The following NDOR1 variants were observed in gnomAD, a reference collection of about 807,000 sequenced individuals.
NDOR1 encodes the protein NADPH-dependent diflavin oxidoreductase 1.
In NDOR1, 61 loss-of-function variants were observed where a neutral mutation model predicts 67.2. That is an observed-to-expected ratio of 0.91 (90% CI 0.74 to 1.12). NDOR1 has a LOEUF of 1.12. Among genes scored for constraint, NDOR1 ranks in the 50% most tolerant of loss-of-function variants. NDOR1 has a pLI of 0.00. For synonymous variants in NDOR1, 378 were observed against 343.7 expected, an observed-to-expected ratio of 1.10 and a Z score of -1.10; for missense variants, 878 against 802.8, an observed-to-expected ratio of 1.09 and a Z score of -1.13.
chr9:137,207,411 C>T (rs943400786), intron 2 of NDOR1, among the ~76,000 whole-genome samples: 1 of 151,782 alleles, frequency 6.6e-6, no homozygotes, highest in Non-Finnish European at 1.5e-5. Context: ...GAGTAGGGGG[C>T]TGTGCAGGAA....
rs752203472 is a variant in NDOR1, at chr9:137,205,776, C to T, written c.-2C>T. The T allele has an allele frequency of 2.5e-6, 4 of 1,603,390 alleles. No individual in the cohort carries two copies. The highest frequency in any genetic ancestry group is 1.7e-6 in the Non-Finnish European group (2 of 1,179,646). ...TCAGACCAGACCACCGGGCGCACCC[C>T]GATGCCGAGCCCGCAGCTTCTGGTG... is the stretch of plus-strand genomic sequence containing the variant. On this transcript the variant is annotated 5_prime_UTR_variant, in exon 1 of 14. Coordinates refer to ENST00000684003, the MANE Select transcript of NDOR1 (RefSeq NM_014434.4).
chr9:137,215,387 C>T lies in NDOR1; in HGVS notation c.1174-20C>T, dbSNP rs370736244. The T allele has an allele frequency of 7.5e-5, 119 of 1,578,016 alleles. No individual in the cohort carries two copies. The highest frequency in any genetic ancestry group is 1.7e-5 in the Non-Finnish European group (20 of 1,148,310). On this transcript the variant is annotated intron_variant, in intron 9 of 13. Transcript: ENST00000684003. Reference sequence around the variant, plus strand: ...GAGGGCAGCCTTGTTCCACCACCCCCACCCCGCCGTCCTCCCCAGACTCAC... The same window carrying T: ...GAGGGCAGCCTTGTTCCACCACCCCTACCCCGCCGTCCTCCCCAGACTCAC...
chr9:137,214,480 C>G (rs974220049), intron 6 of NDOR1, 67 bp downstream of exon 6: 3 of 1,610,044 alleles, frequency 1.9e-6, no homozygotes, highest in Non-Finnish European at 1.7e-6. Flanking sequence ...TCGGAGGAGG[C>G]TGGGCCGGGC....
At chr9:137,213,651 T>A (rs760998362) in intron 3 of NDOR1, 129 bp from the exon 4 acceptor site, 2 of 939,732 alleles carry the variant, frequency 2.1e-6, no homozygotes, top group Non-Finnish European at 3.2e-6. Context: ...TGGAGTGTGT[T>A]TTCCACCCGA....
chr9:137,215,045 C>G (rs773193291), intron 8 of NDOR1, 27 bp downstream of exon 8: 1 of 1,612,358 alleles, frequency 6.2e-7, no homozygotes, highest in Non-Finnish European at 8.5e-7. Flanking sequence ...GCAGGCCCAG[C>G]CCCTGAGCTA....
At chr9:137,206,455 C>T (rs80080498) in intron 2 of NDOR1, 146 bp downstream of exon 2, 1 of 833,374 alleles carries the variant, frequency 1.2e-6, no homozygotes, top group Non-Finnish European at 2.0e-6. Context: ...GTGAGTGGGG[C>T]TGGGGGCTCC....
At chr9:137,206,133 G>A (rs1853727888) in intron 1 of NDOR1, 99 bp from the exon 2 acceptor site, 1 of 1,507,694 alleles carries the variant, frequency 6.6e-7, no homozygotes, top group African/African-American at 1.4e-5. Context: ...AAATCCCTCT[G>A]CCCTGTCAGC....
At chr9:137,215,348 G>A in intron 9 of NDOR1, 59 bp from the exon 10 acceptor site, 2 of 1,579,860 alleles carry the variant, frequency 1.3e-6, no homozygotes, top group Non-Finnish European at 1.7e-6. Flanking sequence ...GGGGCCCACG[G>A]CCCAGGCACA....
At position 137,214,270 on chromosome 9, in the gene NDOR1, G is replaced by T. The variant is rs1230148800; in HGVS notation, c.579G>T (p.Arg193=). ...EAPSTGSEGQ[R]VAHPGSQEPP... is the part of the protein sequence containing the mutation. Reference sequence around the variant, plus strand: ...CCAGCACGGGCTCTGAGGGGCAGCGGGTAGCTCACCCCGGCTCTCAGGAGC... The same window carrying T: ...CCAGCACGGGCTCTGAGGGGCAGCGTGTAGCTCACCCCGGCTCTCAGGAGC... The change falls in exon 6 of 14, where the codon CGG becomes CGT. Residue 193 remains arginine, a synonymous_variant. Transcript: ENST00000684003. The T allele has an allele frequency of 1.2e-6, 2 of 1,613,696 alleles. No individual in the cohort carries two copies. Among genetic ancestry groups the T allele is most frequent in the Admixed American group, 1.7e-5 (1 of 60,028 alleles).
chr9:137,212,576 C>T lies in NDOR1; in HGVS notation c.288C>T (p.Gly96=). ...ALCQMDFAVL[G]LGDSSYAKFN... ...GTCAGATGGACTTTGCCGTCCTGGG[C>T]CTCGGGGACTCCTCATACGCCAAGT... The change falls in exon 3 of 14, where the codon GGC becomes GGT. Residue 96 remains glycine (G), a synonymous_variant. Transcript: ENST00000684003. This position sits in a 1 kb window ranked among gnomAD's most constrained non-coding sequence, Gnocchi z 4.3. The T allele has an allele frequency of 1.2e-6, 2 of 1,614,014 alleles. No individual in the cohort carries two copies. Among genetic ancestry groups the T allele is most frequent in the East Asian group, 4.5e-5 (2 of 44,882 alleles).
At position 137,218,299 on chromosome 9, in the gene NDOR1, C is replaced by A; in HGVS notation, c.*1883C>A. ...TGCTACAGGCCGACGGGCCCTCACG[C>A]CAGCCCCGCCGAGAGGCCCCTGCAT... On this transcript the variant is annotated 3_prime_UTR_variant, in exon 14 of 14. Coordinates refer to ENST00000684003, the MANE Select transcript of NDOR1 (RefSeq NM_014434.4). The A allele has an allele frequency of 2.5e-6, 1 of 398,324 alleles. No individual in the cohort carries two copies. 24.7% of individuals were successfully genotyped at this position (398,324 alleles called of 1,614,324 possible). A position where few individuals can be genotyped will look rare whatever the true frequency, so the allele number is the denominator to read the frequency against.
In NDOR1 at chr9:137,214,931, G is replaced by A. The variant is rs747434440; in HGVS notation, c.978G>A (p.Glu326=). ...LLACLSLHEL[E]REKLLEFSSA... ...CCTGTCTATCCCTCCATGAGCTGGA[G>A]CGGGAGAAGCTGCTGGAGTTCAGTT... Residue 326 remains glutamate (E), a synonymous_variant, in exon 8 of 14, where the codon GAG becomes GAA. Coordinates refer to ENST00000684003, the MANE Select transcript of NDOR1 (RefSeq NM_014434.4). The A allele has an allele frequency of 1.9e-6, 3 of 1,613,378 alleles. No homozygotes were observed. The South Asian group carries it at 3.3e-5, about 18-fold the overall frequency.
rs1564402737 is a variant in NDOR1, at chr9:137,216,406, CGTG to C, written c.1786_1788del (p.Trp596del). ...CAGACACGGCGCTTCCAGACAGAGACGTGGGCCTGAGGCCCGCGGCTGCCCGTG... is the reference window on the plus strand; with the variant it reads ...CAGACACGGCGCTTCCAGACAGAGACGGCCTGAGGCCCGCGGCTGCCCGTG... On this transcript the variant is annotated inframe_deletion, in exon 14 of 14. Transcript: ENST00000684003. The C allele has an allele frequency of 6.2e-7, 1 of 1,603,790 alleles. No homozygotes were observed. Among genetic ancestry groups the C allele is most frequent in the East Asian group, 2.2e-5 (1 of 44,840 alleles).
rs374837269 is a variant in NDOR1 at position 137,214,791 on chromosome 9, C to G, written c.845-7C>G. 7 of 1,600,432 alleles carry G rather than the reference C, an allele frequency of 4.4e-6. No homozygotes were observed. Among genetic ancestry groups the G allele is most frequent in the East Asian group, 2.2e-5 (1 of 44,760 alleles). On this transcript the variant is annotated splice_region_variant and splice_polypyrimidine_tract_variant and intron_variant, in intron 7 of 13. Transcript: ENST00000684003. ...CAGCCCACGGAGGCCTCCCACTCACCCTGCAGATGTCTCCTCCCCCACGAG... is the reference window on the plus strand; with the variant it reads ...CAGCCCACGGAGGCCTCCCACTCACGCTGCAGATGTCTCCTCCCCCACGAG...
chr9:137,211,202 A>G (rs1217287905), intron 2 of NDOR1, among the ~76,000 whole-genome samples: 9 of 152,228 alleles, frequency 5.9e-5, no homozygotes, highest in Non-Finnish European at 1.5e-5. Context: ...AATGGAAGGA[A>G]GCAGATACCA....
intron 10 of NDOR1, 62 bp downstream of exon 10, chr9:137,215,583 C>T (rs1835528464): frequency 1.9e-6 from 3 of 1,607,666 alleles, no homozygotes; most frequent in East Asian, 2.2e-5. Context: ...CATGCTCATG[C>T]AAATGCTGGG....
At position 137,215,178 on chromosome 9, in the gene NDOR1, C is replaced by T. The variant is rs1387444175; in HGVS notation, c.1149C>T (p.Ala383=). ...TCATCCCCGTTATCCGGCCGAGGGCCTTCTCCATCGCCTCCTCGCTGCTGG... is the reference window on the plus strand; with the variant it reads ...TCATCCCCGTTATCCGGCCGAGGGCTTTCTCCATCGCCTCCTCGCTGCTGG... ...LDLIPVIRPR[A]FSIASSLLTH... Residue 383 remains alanine (A), a synonymous_variant, in exon 9 of 14, where the codon GCC becomes GCT. Transcript: ENST00000684003. The T allele has an allele frequency of 1.9e-6, 3 of 1,612,826 alleles. No homozygotes were observed. Among genetic ancestry groups the T allele is most frequent in the Admixed American group, 1.7e-5 (1 of 59,978 alleles).
intron 2 of NDOR1, among the ~76,000 whole-genome samples, chr9:137,209,820 G>A (rs939407146): frequency 6.6e-6 from 1 of 152,238 alleles, no homozygotes; most frequent in Non-Finnish European, 1.5e-5. Context: ...CGCTGGGCGC[G>A]CTGGCCCAAG....
chr9:137,216,782 T>A lies in NDOR1; in HGVS notation c.*366T>A, dbSNP rs1173712859. 1.6e-5 allele frequency: 5 copies of A among 313,614 alleles called. No individual in the cohort carries two copies. Among genetic ancestry groups the A allele is most frequent in the Non-Finnish European group, 2.5e-5 (4 of 162,722 alleles). 19.4% of individuals were successfully genotyped at this position (313,614 alleles called of 1,614,324 possible). A position where few individuals can be genotyped will look rare whatever the true frequency, so the allele number is the denominator to read the frequency against. On this transcript the variant is annotated 3_prime_UTR_variant, in exon 14 of 14. Transcript: ENST00000684003. Reference sequence around the variant, plus strand: ...CACCAGGGGTGGCATAGGGCACCCATGAGGCTGCGCTGCACTCCTCTGCCC... The same window carrying A: ...CACCAGGGGTGGCATAGGGCACCCAAGAGGCTGCGCTGCACTCCTCTGCCC...
Sources: allele counts gnomAD v4.1 joint callset (sites outside exome capture counted in the v4.1 genomes callset), GRCh38; gene constraint gnomAD v4.1.1; non-coding constraint Gnocchi (gnomAD v3.1); transcripts MANE v1.5; gene names NCBI Gene and HGNC (gene_info 2026-07-23, HGNC 2026-07-21).